ONECUT2: variants seen among roughly 807,000 people sequenced by gnomAD.
ONECUT2 encodes the protein one cut homeobox 2, also known as one cut domain family member 2.
Under a neutral mutation model 27.9 loss-of-function variants are expected in ONECUT2, and 10 were observed. The observed-to-expected ratio is 0.36, with a 90% CI of 0.22 to 0.61. The LOEUF (loss-of-function observed/expected upper bound fraction) is 0.61. Among genes scored for constraint, ONECUT2 ranks in the 20% least tolerant of loss-of-function variants. The pLI is 0.73. For synonymous variants in ONECUT2, 334 were observed against 315.1 expected (o/e 1.06, Z -0.64); for missense variants, 686 against 721.0 (o/e 0.95, Z 0.56).
chr18:57,447,181 C>T (rs549498935), intron 1 of ONECUT2, among the ~76,000 whole-genome samples: 1 of 152,358 alleles, frequency 6.6e-6, no homozygotes, highest in South Asian at 2.1e-4. Context: ...CTGTGGGTGG[C>T]AGCTATTTCC....
At chr18:57,455,852 T>C (rs1000440230) in intron 1 of ONECUT2, among the ~76,000 whole-genome samples, 2 of 152,190 alleles carry the variant, frequency 1.3e-5, no homozygotes, top group East Asian at 3.8e-4. Context: ...CTTTAACATC[T>C]TCTAGAACTT....
rs1236033531 is a variant in ONECUT2 at position 57,489,517 on chromosome 18, C to G, written c.*12794C>G. 2 of 152,082 alleles carry G rather than the reference C, an allele frequency of 1.3e-5. No individual in the cohort carries two copies. Among genetic ancestry groups the G allele is most frequent in the African/African-American group, 2.4e-5 (1 of 41,414 alleles). 9.4% of individuals were successfully genotyped at this position (152,082 alleles called of 1,614,324 possible). A position where few individuals can be genotyped will look rare whatever the true frequency, so the allele number is the denominator to read the frequency against. On this transcript the variant is annotated 3_prime_UTR_variant, in exon 2 of 2. Transcript: ENST00000491143. ...GCCTACTTTATCTCTGCTTGAAAAT[C>G]CTATTCAAAAAGTTGTAGAGTTTGA...
chr18:57,467,476 C>T (rs1267571406), intron 1 of ONECUT2, among the ~76,000 whole-genome samples: 1 of 152,188 alleles, frequency 6.6e-6, no homozygotes. Context: ...AGTGATTCTC[C>T]TGCCTCGGCC....
chr18:57,470,043 A>ACAGAAC (rs778370348), intron 1 of ONECUT2, among the ~76,000 whole-genome samples: 5 of 152,226 alleles, frequency 3.3e-5, no homozygotes, highest in Non-Finnish European at 7.3e-5. Flanking sequence ...GCTGCAAAAC[A>ACAGAAC]CAGAACCACA....
In ONECUT2 at chr18:57,437,028, T is replaced by C. The variant is rs968090046; in HGVS notation, c.1228+84T>C. The C allele has an allele frequency of 2.7e-6, 4 of 1,477,782 alleles. No homozygotes were observed. In the African/African-American group the frequency reaches 5.6e-5, roughly 21 times the overall value. The allele number at this position is 1,477,782 out of a possible 1,614,324, so 91.5% of individuals were successfully genotyped here. On this transcript the variant is annotated intron_variant, in intron 1 of 1. Coordinates refer to ENST00000491143, the MANE Select transcript of ONECUT2 (RefSeq NM_004852.3). ...TTGTGGCCCAAGTCTGCGCGCCGAG[T>C]CACTTCTCTTGATTCTTTCCTTCTC...
At chr18:57,437,746 C>G (rs1190487385) in intron 1 of ONECUT2, among the ~76,000 whole-genome samples, 1 of 152,266 alleles carries the variant, frequency 6.6e-6, no homozygotes, top group Admixed American at 6.5e-5. Flanking sequence ...GCCTTGCTCA[C>G]CGGCCGTCCT....
At position 57,435,492 on chromosome 18, in the gene ONECUT2, C is replaced by A. The variant is rs886294349; in HGVS notation, c.-225C>A. On this transcript the variant is annotated 5_prime_UTR_variant, in exon 1 of 2. Transcript: ENST00000491143. ...GCGGGGCCCGGTGATCCCTCCCTCC[C>A]TCCCCGTCCCCTCCCCTCTCCCGCA... 1.4e-5 allele frequency among the ~76,000 whole-genome samples: 2 copies of A among 147,778 alleles called. No homozygotes were observed. The highest frequency in any genetic ancestry group is 5.0e-5 in the African/African-American group (2 of 40,090).
At chr18:57,475,764 G>A (rs1175491222) in intron 1 of ONECUT2, among the ~76,000 whole-genome samples, 1 of 151,952 alleles carries the variant, frequency 6.6e-6, no homozygotes, top group Non-Finnish European at 1.5e-5. Flanking sequence ...CCCCTGTCTT[G>A]TACTAGCTTC....
intron 1 of ONECUT2, among the ~76,000 whole-genome samples, chr18:57,471,432 G>A (rs970750329): frequency 2.0e-5 from 3 of 152,170 alleles, no homozygotes; most frequent in Admixed American, 1.3e-4. Flanking sequence ...CAGCTATGGG[G>A]AGCAGCACAT....
chr18:57,474,789 T>C (rs1568125160), intron 1 of ONECUT2, among the ~76,000 whole-genome samples: 1 of 152,178 alleles, frequency 6.6e-6, no homozygotes, highest in Non-Finnish European at 1.5e-5. Context: ...GGAAATGCAG[T>C]GCCCGAAGGC....
chr18:57,484,143 GA>G lies in ONECUT2; in HGVS notation c.*7422del, dbSNP rs745900983. Reference sequence around the variant, plus strand: ...AAACCCTTACACTAGCTGCTTCCAAGAATGAACTCTGTGTGTATGTAAAGCA... The same window carrying G: ...AAACCCTTACACTAGCTGCTTCCAAGATGAACTCTGTGTGTATGTAAAGCA... On this transcript the variant is annotated 3_prime_UTR_variant, in exon 2 of 2. Coordinates refer to ENST00000491143, the MANE Select transcript of ONECUT2 (RefSeq NM_004852.3). 6.6e-6 allele frequency: 1 copy of G among 150,814 alleles called. No individual in the cohort carries two copies. The highest frequency in any genetic ancestry group is 1.5e-5 in the Non-Finnish European group (1 of 67,738). 9.3% of individuals were successfully genotyped at this position (150,814 alleles called of 1,614,324 possible). A position where few individuals can be genotyped will look rare whatever the true frequency, so the allele number is the denominator to read the frequency against.
At chr18:57,438,349 G>A (rs901558906) in intron 1 of ONECUT2, among the ~76,000 whole-genome samples, 5 of 152,220 alleles carry the variant, frequency 3.3e-5, no homozygotes, top group Non-Finnish European at 1.5e-5. Context: ...GCGGTCTAGG[G>A]GAACAATTCG....
chr18:57,441,105 A>G (rs1269273953), intron 1 of ONECUT2, among the ~76,000 whole-genome samples: 2 of 152,242 alleles, frequency 1.3e-5, no homozygotes, highest in Non-Finnish European at 1.5e-5. Flanking sequence ...CCAGGCAGCC[A>G]GGCGCCCTCG....
intron 1 of ONECUT2, among the ~76,000 whole-genome samples, chr18:57,449,966 T>C (rs1425719464): frequency 6.6e-6 from 1 of 152,204 alleles, no homozygotes; most frequent in Non-Finnish European, 1.5e-5. Flanking sequence ...CCCATGGCTC[T>C]GGAGGGGAGA....
chr18:57,467,697 T>G (rs1397062217), intron 1 of ONECUT2, among the ~76,000 whole-genome samples: 1 of 152,178 alleles, frequency 6.6e-6, no homozygotes, highest in Non-Finnish European at 1.5e-5. Flanking sequence ...AGAGGAAGAA[T>G]GTACTACAGG....
chr18:57,459,092 C>T (rs2050275990), intron 1 of ONECUT2, among the ~76,000 whole-genome samples: 1 of 152,044 alleles, frequency 6.6e-6, no homozygotes, highest in South Asian at 2.1e-4. Flanking sequence ...TTTTGCTTTA[C>T]AAATTACAAA....
In ONECUT2 at chr18:57,436,127, G is replaced by A. The variant is rs1235447370; in HGVS notation, c.411G>A (p.Ser137=). 26 of 1,602,674 alleles carry A rather than the reference G, an allele frequency of 1.6e-5. No individual in the cohort carries two copies. Among genetic ancestry groups the A allele is most frequent in the Non-Finnish European group, 2.0e-5 (24 of 1,179,880 alleles). The change falls in exon 1 of 2, where the codon TCG becomes TCA. Residue 137 remains serine, a synonymous_variant. Transcript: ENST00000491143. The surrounding 1 kb of genome is among the most constrained non-coding windows in gnomAD (Gnocchi z 5.9). ...ACGCCATGAGCATGTCCTGCGACTC[G>A]TCTCCGCCTGGCATGGGCATGAGCA... ...LHHAMSMSCD[S]SPPGMGMSNT... is the part of the protein sequence containing the mutation.
intron 1 of ONECUT2, among the ~76,000 whole-genome samples, chr18:57,452,920 A>T (rs2050238909): frequency 6.6e-6 from 1 of 152,250 alleles, no homozygotes; most frequent in African/African-American, 2.4e-5. Context: ...CAATGAATAA[A>T]GAAGCAAGTT....
chr18:57,464,743 G>A (rs900082594), intron 1 of ONECUT2, among the ~76,000 whole-genome samples: 2 of 152,184 alleles, frequency 1.3e-5, no homozygotes, highest in Admixed American at 1.3e-4. Context: ...TCTTAACAAA[G>A]AGGTGCTCTT....
Sources: gnomAD v4.1 joint callset for allele counts (sites outside exome capture counted in the v4.1 genomes callset) on GRCh38, gnomAD v4.1.1 for gene constraint, Gnocchi (gnomAD v3.1) non-coding constraint, MANE v1.5 for transcripts, NCBI Gene and HGNC (gene_info 2026-07-23, HGNC 2026-07-21) for gene names.